The following EML6 variants were observed in gnomAD, a reference collection of about 807,000 sequenced individuals.
The protein encoded by EML6 is EMAP like 6.
Under a neutral mutation model 240.1 loss-of-function variants are expected in EML6, and 154 were observed. The observed-to-expected ratio is 0.64, with a 90% confidence interval of 0.56 to 0.73. The LOEUF is 0.73. Among genes scored for constraint, EML6 ranks in the 30% least tolerant of loss-of-function variants. EML6 has a pLI of 0.00. For synonymous variants in EML6, 1,148 were observed against 899.0 expected (o/e 1.28, Z -4.95); for missense variants, 2,964 against 2,474.6 (o/e 1.20, Z -4.20).
At chr2:54,801,325 A>G (rs966861199) in intron 2 of EML6, among the ~76,000 whole-genome samples, 1 of 152,048 alleles carries the variant, frequency 6.6e-6, no homozygotes, top group Non-Finnish European at 1.5e-5. Flanking sequence ...AAAAGAAAAA[A>G]AAAAAAAAAG....
At chr2:54,911,211 A>G (rs1008236914) in intron 25 of EML6, among the ~76,000 whole-genome samples, 169 bp downstream of exon 25, 5 of 152,204 alleles carry the variant, frequency 3.3e-5, no homozygotes, top group Non-Finnish European at 7.3e-5. Context: ...TTCCCAGAAC[A>G]TATGGATTTA....
intron 39 of EML6, 141 bp from the exon 40 acceptor site, chr2:54,967,987 A>C: frequency 1.3e-6 from 1 of 750,206 alleles, no homozygotes. Context: ...GCCATGGACC[A>C]GTACCGTTCC....
intron 22 of EML6, among the ~76,000 whole-genome samples, chr2:54,902,362 T>C (rs1673103354): frequency 6.6e-6 from 1 of 152,224 alleles, no homozygotes; most frequent in South Asian, 2.1e-4. Flanking sequence ...GTATTTTTGA[T>C]ATTATGATCT....
intron 28 of EML6, among the ~76,000 whole-genome samples, chr2:54,936,896 T>G (rs533458494): frequency 1.9e-4 from 29 of 152,268 alleles, no homozygotes; most frequent in Admixed American, 5.2e-4. Context: ...CATATTTTTT[T>G]CCTTCCGCAG....
intron 25 of EML6, among the ~76,000 whole-genome samples, chr2:54,912,690 T>C (rs1394926733): frequency 6.6e-6 from 1 of 152,230 alleles, no homozygotes; most frequent in African/African-American, 2.4e-5. Flanking sequence ...TTAATTCTCT[T>C]AATATAATGG....
chr2:54,842,706 A>G (rs1485684201), intron 7 of EML6, among the ~76,000 whole-genome samples: 1 of 152,234 alleles, frequency 6.6e-6, no homozygotes, highest in Non-Finnish European at 1.5e-5. Context: ...GCCTAAACAA[A>G]TAACAAACCC....
At chr2:54,866,111 T>A in intron 13 of EML6, among the ~76,000 whole-genome samples, 1 of 152,216 alleles carries the variant, frequency 6.6e-6, no homozygotes, top group East Asian at 1.9e-4. Context: ...TATTTTATGA[T>A]TTTTAAAAGA....
chr2:54,930,281 G>A (rs1326295721), intron 28 of EML6, among the ~76,000 whole-genome samples: 1 of 152,150 alleles, frequency 6.6e-6, no homozygotes, highest in Non-Finnish European at 1.5e-5. Flanking sequence ...AAACACTACA[G>A]CTGATTTCAA....
At chr2:54,779,828 C>G (rs1668767944) in intron 2 of EML6, among the ~76,000 whole-genome samples, 2 of 138,936 alleles carry the variant, frequency 1.4e-5, no homozygotes, top group African/African-American at 5.5e-5. Context: ...TGCCAGTGCA[C>G]TGCAGCCTGG....
intron 2 of EML6, among the ~76,000 whole-genome samples, chr2:54,778,412 C>T (rs1334524642): frequency 1.3e-5 from 2 of 152,028 alleles, no homozygotes; most frequent in Non-Finnish European, 2.9e-5. Context: ...GAAAGTTGTA[C>T]CCCCCTCCCA....
chr2:54,845,638 C>A (rs559838110), intron 8 of EML6, among the ~76,000 whole-genome samples: 6 of 152,244 alleles, frequency 3.9e-5, no homozygotes, highest in African/African-American at 1.4e-4. Context: ...ACTAGTAAAG[C>A]AAGGGTTACA....
rs1296393978 is a variant in EML6 at position 54,948,979 on chromosome 2, T to C, written c.4083+19T>C. 6.6e-7 allele frequency: 1 copy of C among 1,505,546 alleles called. No homozygotes were observed. 93.3% of individuals were successfully genotyped at this position (1,505,546 alleles called of 1,614,324 possible). A position where few individuals can be genotyped will look rare whatever the true frequency, so the allele number is the denominator to read the frequency against. ...GGTTGAGGTGAGTTAAACAATCACTTGTAGTCTGATATTGACGTTCTAAGA... is the reference window on the plus strand; with the variant it reads ...GGTTGAGGTGAGTTAAACAATCACTCGTAGTCTGATATTGACGTTCTAAGA... On this transcript the variant is annotated intron_variant, in intron 29 of 41. Coordinates refer to ENST00000356458, the MANE Select transcript of EML6 (RefSeq NM_001039753.4).
intron 2 of EML6, among the ~76,000 whole-genome samples, chr2:54,750,557 A>T (rs1425646892): frequency 6.6e-6 from 1 of 152,162 alleles, no homozygotes; most frequent in Non-Finnish European, 1.5e-5. Context: ...GACTCAGATG[A>T]CTGTCAGTAG....
chr2:54,728,864 T>C (rs1211985341), intron 2 of EML6, among the ~76,000 whole-genome samples: 2 of 152,194 alleles, frequency 1.3e-5, no homozygotes, highest in African/African-American at 2.4e-5. Context: ...TTTTAAAAAA[T>C]CATAAATTCT....
chr2:54,759,418 T>C (rs1262482894), intron 2 of EML6, among the ~76,000 whole-genome samples: 1 of 151,936 alleles, frequency 6.6e-6, no homozygotes, highest in Admixed American at 6.6e-5. Context: ...GTAACTATTA[T>C]AAGATCATGG....
chr2:54,961,184 G>GTTTTT (rs575621987), intron 35 of EML6, among the ~76,000 whole-genome samples: 8 of 55,412 alleles, frequency 1.4e-4, no homozygotes, highest in East Asian at 6.4e-4. Flanking sequence ...TCAGGAAGTA[G>GTTTTT]TTTTTTTTTT....
chr2:54,925,759 C>A (rs756237238), intron 26 of EML6, among the ~76,000 whole-genome samples: 3 of 152,132 alleles, frequency 2.0e-5, no homozygotes, highest in Non-Finnish European at 4.4e-5. Context: ...AAACCATGGA[C>A]CAGAAAACCA....
chr2:54,832,783 T>C (rs1323017802), intron 7 of EML6, among the ~76,000 whole-genome samples: 1 of 151,908 alleles, frequency 6.6e-6, no homozygotes, highest in Non-Finnish European at 1.5e-5. Context: ...AAAGAAGGCT[T>C]GGCCTTCTGC....
At chr2:54,911,241 A>G (rs1673622224) in intron 25 of EML6, among the ~76,000 whole-genome samples, 199 bp downstream of exon 25, 2 of 152,152 alleles carry the variant, frequency 1.3e-5, no homozygotes, top group Admixed American at 1.3e-4. Context: ...TGGTGTAGCA[A>G]TGTACAGTTG....
Sources: gnomAD v4.1 joint callset for allele counts (sites outside exome capture counted in the v4.1 genomes callset) on GRCh38, gnomAD v4.1.1 for gene constraint, MANE v1.5 for transcripts, NCBI Gene and HGNC (gene_info 2026-07-23, HGNC 2026-07-21) for gene names.